Variants in ACER3 observed in about 807,000 individuals in gnomAD.
The protein encoded by ACER3 is alkaline ceramidase 3.
A neutral mutation model predicts 48.9 loss-of-function variants in ACER3; 16 were observed. The observed-to-expected ratio is 0.33, with a 90% CI of 0.22 to 0.50. The LOEUF (loss-of-function observed/expected upper bound fraction) is 0.50, where lower values mean the gene tolerates loss of function less well. Ranked by LOEUF, ACER3 falls within the 20% of genes least tolerant of loss-of-function variation. The probability of loss-of-function intolerance (pLI) is 0.98; values close to 1 mark genes in which losing one functional copy is unlikely to be tolerated. For missense variants in ACER3, 227 were observed against 326.0 expected (o/e 0.70, Z 2.34); for synonymous variants, 109 against 107.8 (o/e 1.01, Z -0.07).
intron 1 of ACER3, among the ~76,000 whole-genome samples, chr11:76,898,774 G>A (rs1946001089): frequency 6.7e-6 from 1 of 150,334 alleles, no homozygotes; most frequent in Admixed American, 6.6e-5. Flanking sequence ...CGTAGTGGCG[G>A]GCGCCTGTAG....
intron 2 of ACER3, among the ~76,000 whole-genome samples, chr11:76,952,451 G>A (rs1947702612): frequency 6.6e-6 from 1 of 151,586 alleles, no homozygotes; most frequent in Admixed American, 6.6e-5. Context: ...GTAGAGACAG[G>A]GTTTCACTAA....
rs782032611 is a variant in ACER3, at chr11:77,021,499, A to C, written c.*1172A>C. The C allele has an allele frequency of 4.6e-5, 7 of 152,168 alleles. No individual in the cohort carries two copies. Among genetic ancestry groups the C allele is most frequent in the Admixed American group, 2.0e-4 (3 of 15,266 alleles). 9.4% of individuals were successfully genotyped at this position (152,168 alleles called of 1,614,324 possible). On this transcript the variant is annotated 3_prime_UTR_variant, in exon 11 of 11. Coordinates refer to ENST00000532485, the MANE Select transcript of ACER3 (RefSeq NM_018367.7). ...TGTATAACAAATTGCATCACTTTTC[A>C]CAAACTTAACACCTGCCTGGAGTAA...
At chr11:76,982,813 A>G (rs1009289984) in intron 4 of ACER3, among the ~76,000 whole-genome samples, 1 of 152,144 alleles carries the variant, frequency 6.6e-6, no homozygotes, top group Non-Finnish European at 1.5e-5. Flanking sequence ...ATTTAGGTCC[A>G]TGATCTATTT....
chr11:76,996,398 C>CATTATT lies in ACER3; in HGVS notation c.439-2337_439-2332dup, dbSNP rs113842907. 2.3e-3 allele frequency among the ~76,000 whole-genome samples: 333 copies of CATTATT among 146,676 alleles called. 3 individuals are homozygous for CATTATT. The highest frequency in any genetic ancestry group is 5.2e-3 in the Admixed American group (77 of 14,710). Reference sequence around the variant, plus strand: ...ATTGGTGAAACCTTCATTGGCTTTCCATTATTATTATTATTATTATTATTA... The same window carrying CATTATT: ...ATTGGTGAAACCTTCATTGGCTTTCCATTATTATTATTATTATTATTATTATTATTA... On this transcript the variant is annotated intron_variant, in intron 6 of 10. Coordinates refer to ENST00000532485, the MANE Select transcript of ACER3 (RefSeq NM_018367.7).
At chr11:76,896,248 C>G (rs1590894894) in intron 1 of ACER3, among the ~76,000 whole-genome samples, 1 of 152,228 alleles carries the variant, frequency 6.6e-6, no homozygotes, top group African/African-American at 2.4e-5. Context: ...TACACAGGTA[C>G]TATTCATTGG....
At chr11:76,898,625 C>T (rs922370916) in intron 1 of ACER3, among the ~76,000 whole-genome samples, 5 of 151,508 alleles carry the variant, frequency 3.3e-5, no homozygotes, top group Non-Finnish European at 5.9e-5. Context: ...TCGTTGGTGG[C>T]CGGGCGCGGT....
intron 1 of ACER3, among the ~76,000 whole-genome samples, chr11:76,878,560 A>T (rs995453959): frequency 6.6e-6 from 1 of 152,058 alleles, no homozygotes; most frequent in Non-Finnish European, 1.5e-5. Flanking sequence ...TATGAATGTA[A>T]TAGTTTATCT....
chr11:77,005,996 T>TATATATATACATATATATATATATA (rs1272310391), intron 7 of ACER3, among the ~76,000 whole-genome samples: 5 of 88,908 alleles, frequency 5.6e-5, no homozygotes, highest in African/African-American at 1.7e-4. Context: ...TATATATTTT[T>TATATATATACATATATATATATATA]TTTTTTTTTT....
chr11:76,895,333 A>G (rs1036969846), intron 1 of ACER3, among the ~76,000 whole-genome samples: 4 of 152,166 alleles, frequency 2.6e-5, no homozygotes, highest in Non-Finnish European at 5.9e-5. Context: ...TTATGGTTCC[A>G]CTTTCTTCAT....
chr11:76,977,809 G>C (rs1225638104), intron 4 of ACER3, among the ~76,000 whole-genome samples: 1 of 152,202 alleles, frequency 6.6e-6, no homozygotes, highest in Non-Finnish European at 1.5e-5. Context: ...CTGGACCTGG[G>C]CATCCCTGCA....
intron 1 of ACER3, among the ~76,000 whole-genome samples, chr11:76,919,432 A>G (rs909327074): frequency 2.0e-5 from 3 of 152,220 alleles, no homozygotes; most frequent in African/African-American, 7.2e-5. Flanking sequence ...AAATTTACCT[A>G]TTAAGAAATC....
intron 1 of ACER3, among the ~76,000 whole-genome samples, chr11:76,923,325 CCTT>C (rs1946733949): frequency 6.6e-6 from 1 of 152,136 alleles, no homozygotes; most frequent in Non-Finnish European, 1.5e-5. Flanking sequence ...TGTAAGCCCT[CCTT>C]CTGCATTGAA....
chr11:76,950,863 A>G (rs1277469884), intron 2 of ACER3, among the ~76,000 whole-genome samples: 1 of 152,160 alleles, frequency 6.6e-6, no homozygotes, highest in Non-Finnish European at 1.5e-5. Flanking sequence ...TGTTGAGAGA[A>G]AGATAATATG....
At chr11:76,926,759 A>G in intron 2 of ACER3, 92 bp downstream of exon 2, 1 of 819,392 alleles carries the variant, frequency 1.2e-6, no homozygotes, top group Non-Finnish European at 1.9e-6. Context: ...ATTTTGTGTT[A>G]TTACATAACT....
chr11:77,004,369 A>G (rs1949091978), intron 7 of ACER3, among the ~76,000 whole-genome samples: 1 of 152,242 alleles, frequency 6.6e-6, no homozygotes, highest in Non-Finnish European at 1.5e-5. Flanking sequence ...GCCAGTCAAG[A>G]GCCAGTCCTT....
chr11:76,895,579 A>C (rs1311744345), intron 1 of ACER3, among the ~76,000 whole-genome samples: 1 of 152,190 alleles, frequency 6.6e-6, no homozygotes, highest in East Asian at 1.9e-4. Flanking sequence ...GTATACATGT[A>C]GACAAGCTAG....
intron 1 of ACER3, among the ~76,000 whole-genome samples, chr11:76,917,446 G>A (rs1309659800): frequency 6.6e-6 from 1 of 152,104 alleles, no homozygotes; most frequent in Admixed American, 6.6e-5. Flanking sequence ...AGCCACGGTG[G>A]CTCATGCCTG....
intron 4 of ACER3, among the ~76,000 whole-genome samples, chr11:76,982,366 GCCACCA>G (rs144561497): frequency 0.021 from 3,243 of 151,720 alleles, 110 homozygotes; most frequent in African/African-American, 0.075. Context: ...ACAGGCACCC[GCCACCA>G]CCTCCAGCTA....
chr11:76,868,032 C>T (rs1228571175), intron 1 of ACER3: 2 of 1,095,612 alleles, frequency 1.8e-6, no homozygotes, highest in African/African-American at 1.7e-5. Context: ...GGGCTTTAAT[C>T]AGCTATCTCT....
Sources: allele counts gnomAD v4.1 joint callset (sites outside exome capture counted in the v4.1 genomes callset), GRCh38; gene constraint gnomAD v4.1.1; transcripts MANE v1.5; gene names NCBI Gene and HGNC (gene_info 2026-07-23, HGNC 2026-07-21).